FAT3: variants seen among roughly 807,000 people sequenced by gnomAD.
FAT3 encodes the protein FAT atypical cadherin 3, also known as protocadherin Fat 3.
Under a neutral mutation model 310.2 loss-of-function variants are expected in FAT3, and 95 were observed. The ratio of observed to expected loss-of-function variants is 0.31; its 90% CI spans 0.26 to 0.36. The LOEUF is 0.36. Among genes scored for constraint, FAT3 ranks in the 10% least tolerant of loss-of-function variants. FAT3 has a pLI of 1.00. For synonymous variants in FAT3, 2,314 were observed against 2,192.9 expected, an observed-to-expected ratio of 1.06 and a Z score of -1.54; for missense variants, 5,408 against 5,715.6, an observed-to-expected ratio of 0.95 and a Z score of 1.74.
In FAT3 at chr11:92,511,211, G is replaced by A. The variant is rs77051582; in HGVS notation, c.3293-13423G>A. On this transcript the variant is annotated intron_variant, in intron 2 of 27. Transcript: ENST00000525166. ...AACTGGGCATAATTTTAAGAAAATT[G>A]TCTTATTACTTAGGATAATTCACAG... is the stretch of plus-strand genomic sequence containing the variant. 8.9e-4 allele frequency among the ~76,000 whole-genome samples: 135 copies of A among 152,292 alleles called. 2 individuals are homozygous for A. Among genetic ancestry groups the A allele is most frequent in the African/African-American group, 3.1e-3 (127 of 41,576 alleles).
intron 3 of FAT3, among the ~76,000 whole-genome samples, chr11:92,547,496 G>A (rs1266292982): frequency 6.6e-6 from 1 of 152,070 alleles, no homozygotes; most frequent in African/African-American, 2.4e-5. Flanking sequence ...AATAAAATAT[G>A]TTCTGTCTTC....
intron 1 of FAT3, among the ~76,000 whole-genome samples, chr11:92,342,765 A>G (rs530263953): frequency 7.2e-5 from 11 of 152,080 alleles, no homozygotes; most frequent in Non-Finnish European, 1.6e-4. Context: ...GAATACTAAT[A>G]TATTTACCCT....
At chr11:92,424,376 T>A (rs1288382225) in intron 2 of FAT3, among the ~76,000 whole-genome samples, 1 of 152,176 alleles carries the variant, frequency 6.6e-6, no homozygotes, top group Non-Finnish European at 1.5e-5. Context: ...AGGAGAATGC[T>A]TCAGAATAGC....
intron 8 of FAT3, among the ~76,000 whole-genome samples, chr11:92,791,016 CA>C (rs2029872760): frequency 1.3e-5 from 2 of 152,090 alleles, no homozygotes; most frequent in South Asian, 4.1e-4. Flanking sequence ...TACACTAAGA[CA>C]GTACAAATTC....
intron 2 of FAT3, among the ~76,000 whole-genome samples, chr11:92,461,454 A>AT (rs1951637002): frequency 6.6e-6 from 1 of 152,310 alleles, no homozygotes; most frequent in East Asian, 1.9e-4. Flanking sequence ...TTATAAATAC[A>AT]TTTTTTACAA....
At chr11:92,824,657 T>G (rs1046481152) in intron 13 of FAT3, among the ~76,000 whole-genome samples, 4 of 152,212 alleles carry the variant, frequency 2.6e-5, no homozygotes, top group Non-Finnish European at 5.9e-5. Context: ...ATAATAGTTC[T>G]TTTATTTATT....
At chr11:92,459,202 G>A (rs1316737157) in intron 2 of FAT3, among the ~76,000 whole-genome samples, 2 of 152,158 alleles carry the variant, frequency 1.3e-5, no homozygotes, top group African/African-American at 2.4e-5. Flanking sequence ...TGTGAGCATG[G>A]TACGATGGCC....
rs530937097 is a variant in FAT3, at chr11:92,851,415, G to T, written c.11366-5799G>T. 2.3e-4 allele frequency among the ~76,000 whole-genome samples: 35 copies of T among 152,216 alleles called. No homozygotes were observed. The East Asian group carries it at 6.8e-3, about 29-fold the overall frequency. On this transcript the variant is annotated intron_variant, in intron 19 of 27. Coordinates refer to ENST00000525166, the MANE Select transcript of FAT3 (RefSeq NM_001367949.2). ...TCATTATCTTAATTTTTCAGAAAAG[G>T]AAATCGAGACCTAGAAAAGACAAGT...
chr11:92,467,108 G>A (rs964820292), intron 2 of FAT3, among the ~76,000 whole-genome samples: 1 of 152,048 alleles, frequency 6.6e-6, no homozygotes, highest in Non-Finnish European at 1.5e-5. Flanking sequence ...TAATGGGATG[G>A]CTGGGTCAAA....
intron 1 of FAT3, among the ~76,000 whole-genome samples, chr11:92,327,833 GTA>G (rs1468334711): frequency 6.6e-6 from 1 of 152,202 alleles, no homozygotes; most frequent in African/African-American, 2.4e-5. Context: ...TCTAAAACGA[GTA>G]TGGTATTCTC....
chr11:92,609,815 G>A (rs1940479054), intron 3 of FAT3, among the ~76,000 whole-genome samples: 2 of 152,104 alleles, frequency 1.3e-5, no homozygotes, highest in Non-Finnish European at 2.9e-5. Context: ...AGGCTTGGAA[G>A]CTGTATCATA....
Position 92,354,028 on chromosome 11 carries a change from T to A in FAT3, c.1916T>A (p.Leu639Gln). 1 of 1,613,312 alleles carries A rather than the reference T, an allele frequency of 6.2e-7. No individual in the cohort carries two copies. Among genetic ancestry groups the A allele is most frequent in the Non-Finnish European group, 8.5e-7 (1 of 1,179,618 alleles). ...GGTGTTTTACAGCTTAAAAAATCAC[T>A]GACAAATTCTGGCATTAAAAATGGC... ...DSGVLQLKKS[L>Q]TNSGIKNGNF... is the part of the protein sequence containing the mutation. The change falls in exon 2 of 28, where the codon CTG (leucine) becomes CAG (glutamine). Residue 639 changes from leucine to glutamine, a missense_variant. By Grantham distance (113) the Leu-to-Gln change is moderately radical. Transcript: ENST00000525166.
At chr11:92,620,251 G>A (rs1028104511) in intron 3 of FAT3, among the ~76,000 whole-genome samples, 4 of 152,046 alleles carry the variant, frequency 2.6e-5, no homozygotes, top group African/African-American at 9.7e-5. Context: ...AATTTATTAA[G>A]GATTGTTCTA....
chr11:92,362,300 A>G (rs1159196592), intron 2 of FAT3, among the ~76,000 whole-genome samples: 1 of 152,228 alleles, frequency 6.6e-6, no homozygotes, highest in Non-Finnish European at 1.5e-5. Flanking sequence ...TAATTTCTAT[A>G]TATTGTGAAC....
chr11:92,390,872 C>G (rs1490632534), intron 2 of FAT3, among the ~76,000 whole-genome samples: 5 of 152,140 alleles, frequency 3.3e-5, no homozygotes, highest in Non-Finnish European at 7.3e-5. Flanking sequence ...TAGAGTTGAA[C>G]AAGTGCTTCT....
At chr11:92,414,647 C>G (rs755740167) in intron 2 of FAT3, among the ~76,000 whole-genome samples, 8 of 152,184 alleles carry the variant, frequency 5.3e-5, no homozygotes, top group Non-Finnish European at 7.3e-5. Flanking sequence ...GTTGACAAAG[C>G]TATACAATAA....
intron 2 of FAT3, among the ~76,000 whole-genome samples, chr11:92,379,313 A>T (rs901009388): frequency 6.6e-6 from 1 of 152,186 alleles, no homozygotes; most frequent in African/African-American, 2.4e-5. Context: ...AATTTGAACC[A>T]CAAAAGCATT....
chr11:92,754,332 A>T (rs1591687367), intron 4 of FAT3, among the ~76,000 whole-genome samples: 1 of 152,064 alleles, frequency 6.6e-6, no homozygotes, highest in African/African-American at 2.4e-5. Context: ...AGCCTTTAAA[A>T]AGAAGGAAAT....
intron 1 of FAT3, among the ~76,000 whole-genome samples, chr11:92,267,848 G>A (rs1187176): frequency 0.039 from 5,919 of 152,194 alleles, 140 homozygotes; most frequent in Admixed American, 0.045. Context: ...AACTGCGTAA[G>A]GCTGTGTCCT....
Sources: allele counts gnomAD v4.1 joint callset (sites outside exome capture counted in the v4.1 genomes callset), GRCh38; gene constraint gnomAD v4.1.1; transcripts MANE v1.5; gene names NCBI Gene and HGNC (gene_info 2026-07-23, HGNC 2026-07-21).